The following TPP2 variants were observed in gnomAD, a reference collection of about 807,000 sequenced individuals.
TPP2 encodes the protein tripeptidyl-peptidase 2.
A neutral mutation model predicts 155.9 loss-of-function variants in TPP2; 34 were observed. The observed-to-expected ratio is 0.22, with a 90% confidence interval of 0.17 to 0.29. The LOEUF (loss-of-function observed/expected upper bound fraction) is 0.29. Among genes scored for constraint, TPP2 ranks in the 10% least tolerant of loss-of-function variants. TPP2 has a pLI of 1.00. For synonymous variants in TPP2, 510 were observed against 529.4 expected (o/e 0.96, Z 0.50); for missense variants, 1,028 against 1,522.3 (o/e 0.68, Z 5.40).
chr13:102,624,852 CTTTTTTTTTTTT>C lies in TPP2; in HGVS notation c.784+1825_784+1836del, dbSNP rs1029486604. Among the ~76,000 whole-genome samples the C allele has an allele frequency of 3.6e-3, 298 of 83,432 alleles. 5 individuals carry two copies. The East Asian group carries it at 0.076, about 21-fold the overall frequency. The allele number at this position is 83,432 out of a possible 152,430, so 54.7% of individuals were successfully genotyped here. ...AACATGTACTTAATTTTTTTTTTTC[CTTTTTTTTTTTT>C]TTTTTTTTTTTTGAGACAGAGTCTC... On this transcript the variant is annotated intron_variant, in intron 6 of 29. Coordinates refer to ENST00000376052, the MANE Select transcript of TPP2 (RefSeq NM_001330588.2).
chr13:102,610,294 T>A (rs1308182714), intron 2 of TPP2, among the ~76,000 whole-genome samples: 1 of 151,994 alleles, frequency 6.6e-6, no homozygotes, highest in Admixed American at 6.6e-5. Context: ...AGTGGTGTGA[T>A]CTTGGCTCAC....
At chr13:102,648,059 ATTAT>A (rs1245692654) in intron 21 of TPP2, among the ~76,000 whole-genome samples, 2 of 152,154 alleles carry the variant, frequency 1.3e-5, no homozygotes, top group Admixed American at 6.5e-5. Flanking sequence ...CTGCAGTGCT[ATTAT>A]TTTGGTTACT....
At chr13:102,639,303 C>A (rs1217390859) in intron 15 of TPP2, among the ~76,000 whole-genome samples, 5 of 152,234 alleles carry the variant, frequency 3.3e-5, no homozygotes, top group African/African-American at 1.2e-4. Context: ...ACTAACAGTT[C>A]TGTTACTCTG....
At chr13:102,638,683 G>A (rs570170159) in intron 15 of TPP2, among the ~76,000 whole-genome samples, 3 of 152,092 alleles carry the variant, frequency 2.0e-5, no homozygotes, top group Non-Finnish European at 4.4e-5. Context: ...TGTCTCTGTC[G>A]TTTTTGGGAT....
intron 16 of TPP2, 73 bp downstream of exon 16, chr13:102,640,449 G>T: frequency 8.1e-7 from 1 of 1,232,980 alleles, no homozygotes; most frequent in Non-Finnish European, 1.2e-6. Flanking sequence ...TATGAGGTTC[G>T]TTTATCTGTA....
intron 25 of TPP2, among the ~76,000 whole-genome samples, chr13:102,658,563 A>G (rs1317646750): frequency 2.0e-5 from 3 of 152,240 alleles, no homozygotes; most frequent in African/African-American, 7.2e-5. Flanking sequence ...AAAACAAAAC[A>G]ACTTTTTAAA....
At chr13:102,623,782 C>G (rs1176789564) in intron 6 of TPP2, among the ~76,000 whole-genome samples, 5 of 152,156 alleles carry the variant, frequency 3.3e-5, no homozygotes, top group Non-Finnish European at 7.3e-5. Context: ...ATACAGTCAT[C>G]CTTTGGTATC....
intron 25 of TPP2, among the ~76,000 whole-genome samples, chr13:102,662,211 A>G (rs188108365): frequency 1.3e-5 from 2 of 152,334 alleles, no homozygotes; most frequent in Admixed American, 1.3e-4. Flanking sequence ...GAATGAGGAA[A>G]TCTATAGAGA....
intron 2 of TPP2, 79 bp from the exon 3 acceptor site, chr13:102,614,022 T>C: frequency 8.1e-7 from 1 of 1,232,732 alleles, no homozygotes. Flanking sequence ...AGAAGTAATA[T>C]ACTTTTTTGC....
In TPP2 at chr13:102,640,197, T is replaced by C. The variant is rs1220127504; in HGVS notation, c.1914-73T>C. The C allele has an allele frequency of 3.5e-6, 4 of 1,141,562 alleles. No homozygotes were observed. The Admixed American group carries it at 9.9e-5, about 28-fold the overall frequency. 70.7% of individuals were successfully genotyped at this position (1,141,562 alleles called of 1,614,324 possible). On this transcript the variant is annotated intron_variant, in intron 15 of 29. Transcript: ENST00000376052. ...TTCCAATGAATTGTTATTTTGCGTT[T>C]ATCCAATGAAATCTAGAGTATCTGT...
intron 10 of TPP2, among the ~76,000 whole-genome samples, chr13:102,630,682 C>A (rs61203455): frequency 1.3e-5 from 2 of 151,990 alleles, no homozygotes; most frequent in Non-Finnish European, 2.9e-5. Flanking sequence ...GAAATGAAGT[C>A]TATCTCTTTT....
At chr13:102,614,525 G>A (rs139326820) in intron 3 of TPP2, among the ~76,000 whole-genome samples, 2 of 152,264 alleles carry the variant, frequency 1.3e-5, no homozygotes, top group African/African-American at 4.8e-5. Flanking sequence ...CTTGAAAAAG[G>A]CTAAAGACAG....
At chr13:102,613,632 T>C (rs978528974) in intron 2 of TPP2, among the ~76,000 whole-genome samples, 15 of 152,320 alleles carry the variant, frequency 9.8e-5, no homozygotes, top group African/African-American at 2.9e-4. Context: ...TTATACAGAA[T>C]TTTTGGTTTC....
intron 2 of TPP2, among the ~76,000 whole-genome samples, chr13:102,610,619 T>A (rs189549120): frequency 6.8e-4 from 104 of 152,342 alleles, no homozygotes; most frequent in African/African-American, 2.4e-3. Flanking sequence ...TCTGTCAGTT[T>A]AAGATCAACT....
chr13:102,624,860 T>G (rs1881459354), intron 6 of TPP2, among the ~76,000 whole-genome samples: 1 of 133,748 alleles, frequency 7.5e-6, no homozygotes, highest in Non-Finnish European at 1.6e-5. Context: ...TCCTTTTTTT[T>G]TTTTTTTTTT....
Position 102,637,167 on chromosome 13 carries a change from C to T in TPP2, c.1764C>T (p.Leu588=). ...SWVQCPSHLE[L]MNQCRHINIR... ...TTCAGTGTCCCAGCCATTTGGAACT[C>T]ATGAATCAATGTAGACACATAAACA... The change falls in exon 14 of 30, where the codon CTC becomes CTT. Residue 588 remains leucine, a synonymous_variant. Coordinates refer to ENST00000376052, the MANE Select transcript of TPP2 (RefSeq NM_001330588.2). The T allele has an allele frequency of 6.2e-7, 1 of 1,613,328 alleles. No homozygotes were observed. The highest frequency in any genetic ancestry group is 1.1e-5 in the South Asian group (1 of 90,912).
chr13:102,623,452 A>G (rs1881319940), intron 6 of TPP2, among the ~76,000 whole-genome samples: 1 of 152,136 alleles, frequency 6.6e-6, no homozygotes, highest in Non-Finnish European at 1.5e-5. Context: ...AATCCCAGCT[A>G]CTCGGGAGGC....
At position 102,644,540 on chromosome 13, in the gene TPP2, T is replaced by C. The variant is rs558345565; in HGVS notation, c.2176-17T>C. The C allele has an allele frequency of 5.8e-6, 9 of 1,564,166 alleles. No homozygotes were observed. Among genetic ancestry groups the C allele is most frequent in the Middle Eastern group, 1.7e-4 (1 of 5,898 alleles). On this transcript the variant is annotated splice_polypyrimidine_tract_variant and intron_variant, in intron 17 of 29. Transcript: ENST00000376052. ...AAAATAAGAAAAGAGATATATTTTA[T>C]TTACTTTTATTTGCAGGGTGGAAAA...
intron 27 of TPP2, among the ~76,000 whole-genome samples, chr13:102,668,774 C>T (rs779256606): frequency 5.3e-5 from 8 of 152,292 alleles, no homozygotes; most frequent in South Asian, 2.1e-4. Flanking sequence ...CAGTGTACAA[C>T]GGAAAGCATA....
Sources: allele counts gnomAD v4.1 joint callset (sites outside exome capture counted in the v4.1 genomes callset), GRCh38; gene constraint gnomAD v4.1.1; transcripts MANE v1.5; gene names NCBI Gene and HGNC (gene_info 2026-07-23, HGNC 2026-07-21).